CCDC138: variants seen among roughly 807,000 people sequenced by gnomAD.
CCDC138 encodes coiled-coil domain containing 138.
A neutral mutation model predicts 82.3 loss-of-function variants in CCDC138; 66 were observed. The ratio of observed to expected loss-of-function variants is 0.80; its 90% CI spans 0.66 to 0.98. The LOEUF is 0.98. Among genes scored for constraint, CCDC138 ranks in the 50% least tolerant of loss-of-function variants. CCDC138 has a pLI of 0.00. For synonymous variants in CCDC138, 297 were observed against 265.4 expected (o/e 1.12, Z -1.16); for missense variants, 816 against 758.9 (o/e 1.08, Z -0.88).
At chr2:108,800,544 C>T (rs1025789119) in intron 6 of CCDC138, among the ~76,000 whole-genome samples, 16 of 142,148 alleles carry the variant, frequency 1.1e-4, no homozygotes, top group Admixed American at 1.1e-3. Context: ...GGATCACAGG[C>T]GTGCCTGGCC....
rs1695573558 is a variant in CCDC138, at chr2:108,873,441, T to G, written c.1694-10T>G. The G allele has an allele frequency of 6.4e-7, 1 of 1,573,720 alleles. No individual in the cohort carries two copies. Among genetic ancestry groups the G allele is most frequent in the Non-Finnish European group, 8.6e-7 (1 of 1,164,552 alleles). ...CCCTAATAGTAAAGCACTGTTGATT[T>G]GTTTTGCAGAATCCTTGCAGCCTTT... On this transcript the variant is annotated splice_polypyrimidine_tract_variant and intron_variant, in intron 13 of 14. Transcript: ENST00000295124.
intron 13 of CCDC138, among the ~76,000 whole-genome samples, chr2:108,870,185 A>C (rs980573011): frequency 1.3e-4 from 20 of 152,222 alleles, no homozygotes; most frequent in Admixed American, 9.8e-4. Flanking sequence ...AAAAGAACCA[A>C]ATTCTGGAAC....
At chr2:108,812,020 C>A (rs1574021714) in intron 7 of CCDC138, among the ~76,000 whole-genome samples, 2 of 151,638 alleles carry the variant, frequency 1.3e-5, no homozygotes, top group East Asian at 1.9e-4. Context: ...TTGTAAGATA[C>A]CATAAGTAAT....
At chr2:108,837,933 T>G (rs924796338) in intron 10 of CCDC138, among the ~76,000 whole-genome samples, 3 of 152,156 alleles carry the variant, frequency 2.0e-5, no homozygotes, top group African/African-American at 7.2e-5. Flanking sequence ...GATTTTTTTT[T>G]TTTTTAAAGA....
intron 13 of CCDC138, among the ~76,000 whole-genome samples, chr2:108,870,648 C>G (rs1695089797): frequency 6.6e-6 from 1 of 152,112 alleles, no homozygotes. Context: ...ATTATTCAGT[C>G]TAAGAAATGA....
chr2:108,828,649 A>C (rs772030445), intron 10 of CCDC138, among the ~76,000 whole-genome samples: 1 of 152,214 alleles, frequency 6.6e-6, no homozygotes, highest in Non-Finnish European at 1.5e-5. Flanking sequence ...CCCTCATGCA[A>C]CAAAATGAGT....
In CCDC138 at chr2:108,821,916, G is replaced by A. The variant is rs549788436; in HGVS notation, c.1206+5811G>A. Among the ~76,000 whole-genome samples the A allele has an allele frequency of 9.6e-5, 11 of 114,474 alleles. No homozygotes were observed. The East Asian group carries it at 2.2e-3, about 23-fold the overall frequency. The allele number at this position is 114,474 out of a possible 152,430, so 75.1% of individuals were successfully genotyped here. On this transcript the variant is annotated intron_variant, in intron 10 of 14. Transcript: ENST00000295124. The stretch of plus-strand genomic sequence containing the variant: ...GCGCTCCAGCATGGGCAACAAGAGC[G>A]AAACTTTGTCTCAAAAAAAAAAAAA...
intron 7 of CCDC138, 81 bp from the exon 8 acceptor site, chr2:108,812,550 T>G: frequency 1.0e-6 from 1 of 988,026 alleles, no homozygotes; most frequent in East Asian, 2.4e-5. Flanking sequence ...ATCAACCAGA[T>G]TAGATAGTAG....
chr2:108,877,232 C>G (rs1331351770), downstream of CCDC138, among the ~76,000 whole-genome samples: 1 of 152,068 alleles, frequency 6.6e-6, no homozygotes, highest in Non-Finnish European at 1.5e-5. Flanking sequence ...CTCTAGGAGG[C>G]TGAGGTGGGC....
chr2:108,840,418 T>C (rs1331196556), intron 11 of CCDC138, among the ~76,000 whole-genome samples: 1 of 152,198 alleles, frequency 6.6e-6, no homozygotes, highest in African/African-American at 2.4e-5. Context: ...GTTCATTCTT[T>C]AAACATTTGG....
intron 11 of CCDC138, among the ~76,000 whole-genome samples, chr2:108,839,824 G>GT (rs774328500): frequency 6.2e-4 from 91 of 146,994 alleles, no homozygotes; most frequent in Admixed American, 1.1e-3. Context: ...ACAGTGTTGT[G>GT]TTTTTTTTTT....
chr2:108,844,660 A>G (rs541871898), intron 11 of CCDC138, among the ~76,000 whole-genome samples: 6 of 152,118 alleles, frequency 3.9e-5, no homozygotes, highest in African/African-American at 1.2e-4. Flanking sequence ...AAGTTTTAAC[A>G]TCCTTAGGTG....
At chr2:108,858,679 A>T (rs1384616256) in intron 13 of CCDC138, among the ~76,000 whole-genome samples, 1 of 150,830 alleles carries the variant, frequency 6.6e-6, no homozygotes, top group Non-Finnish European at 1.5e-5. Flanking sequence ...CATATATTTA[A>T]TTTTCTCATG....
chr2:108,790,087 A>G (rs1470323443), intron 3 of CCDC138, among the ~76,000 whole-genome samples: 1 of 152,174 alleles, frequency 6.6e-6, no homozygotes. Context: ...TAAATAAGTT[A>G]ATCTGTGTAA....
At chr2:108,828,392 A>G (rs1309225279) in intron 10 of CCDC138, among the ~76,000 whole-genome samples, 1 of 152,232 alleles carries the variant, frequency 6.6e-6, no homozygotes, top group Non-Finnish European at 1.5e-5. Flanking sequence ...GGCACAATGA[A>G]AAGCCAAAAC....
intron 10 of CCDC138, among the ~76,000 whole-genome samples, chr2:108,820,760 C>A (rs542339658): frequency 6.7e-6 from 1 of 149,324 alleles, no homozygotes; most frequent in Non-Finnish European, 1.5e-5. Context: ...CCAGCTAAAC[C>A]GTCCTTAAGA....
chr2:108,791,544 A>C, intron 3 of CCDC138, 131 bp from the exon 4 acceptor site: 2 of 1,065,486 alleles, frequency 1.9e-6, no homozygotes, highest in Non-Finnish European at 2.9e-6. Flanking sequence ...TTACATGTTT[A>C]CATTTTGCAG....
chr2:108,878,330 G>T, downstream of CCDC138: 1 of 193,840 alleles, frequency 5.2e-6, no homozygotes, highest in East Asian at 1.3e-4. Context: ...AAGTCTTTCA[G>T]GGTCAAGTGA....
intron 10 of CCDC138, among the ~76,000 whole-genome samples, chr2:108,829,997 TAAA>T (rs902231106): frequency 2.0e-5 from 3 of 149,568 alleles, no homozygotes; most frequent in South Asian, 2.1e-4. Context: ...TTATATATAA[TAAA>T]AAGAAGGTGG....
Sources: gnomAD v4.1 joint callset for allele counts (sites outside exome capture counted in the v4.1 genomes callset) on GRCh38, gnomAD v4.1.1 for gene constraint, MANE v1.5 for transcripts, NCBI Gene and HGNC (gene_info 2026-07-23, HGNC 2026-07-21) for gene names.